The following CSMD1 variants were observed in gnomAD, a reference collection of about 807,000 sequenced individuals.
CSMD1 encodes CUB and Sushi multiple domains 1, also known as CUB and sushi domain-containing protein 1.
Under a neutral mutation model 417.5 loss-of-function variants are expected in CSMD1, and 213 were observed. The ratio of observed to expected loss-of-function variants is 0.51; its 90% CI spans 0.46 to 0.57. CSMD1 has a LOEUF of 0.57. Among genes scored for constraint, CSMD1 ranks in the 20% least tolerant of loss-of-function variants. The probability of loss-of-function intolerance (pLI) is 0.00; values close to 1 mark genes in which losing one functional copy is unlikely to be tolerated. For synonymous variants in CSMD1, 2,862 were observed against 1,736.8 expected, an observed-to-expected ratio of 1.65 and a Z score of -16.11; for missense variants, 6,923 against 4,529.7, an observed-to-expected ratio of 1.53 and a Z score of -15.17.
chr8:4,010,649 T>G (rs1390779618), intron 4 of CSMD1, among the ~76,000 whole-genome samples: 1 of 152,068 alleles, frequency 6.6e-6, no homozygotes, highest in Admixed American at 6.5e-5. Context: ...AACTCATAAT[T>G]TTTTGACTCA....
At position 4,700,923 on chromosome 8, in the gene CSMD1, A is replaced by T. The variant is rs983755415; in HGVS notation, c.86-63365T>A. Among the ~76,000 whole-genome samples the T allele has an allele frequency of 2.6e-4, 40 of 152,212 alleles. 1 individual carries two copies. The highest frequency in any genetic ancestry group is 2.0e-3 in the Admixed American group (31 of 15,286). ...AAACCAGAAGATTTCAGAGGAGCAG[A>T]GAACACTGTGGAAGGTATCAAGTAA... On this transcript the variant is annotated intron_variant, in intron 1 of 69. Transcript: ENST00000635120.
At chr8:3,076,969 C>A (rs182277064) in intron 49 of CSMD1, among the ~76,000 whole-genome samples, 25 of 152,238 alleles carry the variant, frequency 1.6e-4, no homozygotes, top group Admixed American at 1.6e-3. Flanking sequence ...TTGTATCCAA[C>A]AGGCAACCCT....
At chr8:3,455,213 C>G (rs529214149) in intron 12 of CSMD1, among the ~76,000 whole-genome samples, 54 of 152,266 alleles carry the variant, frequency 3.5e-4, no homozygotes, top group African/African-American at 1.2e-3. Context: ...AGCCAGTCGT[C>G]TAATTTTTTT....
chr8:3,996,101 T>C (rs1815192612), intron 5 of CSMD1, among the ~76,000 whole-genome samples: 1 of 152,172 alleles, frequency 6.6e-6, no homozygotes, highest in Non-Finnish European at 1.5e-5. Flanking sequence ...ATGATCTGTA[T>C]TTTCTGACAC....
chr8:4,390,957 A>G (rs957573153), intron 3 of CSMD1, among the ~76,000 whole-genome samples: 1 of 152,186 alleles, frequency 6.6e-6, no homozygotes, highest in African/African-American at 2.4e-5. Flanking sequence ...ACACACAAAT[A>G]CTTAAAACAG....
intron 1 of CSMD1, among the ~76,000 whole-genome samples, chr8:4,790,429 C>G (rs1292277656): frequency 6.6e-6 from 1 of 152,106 alleles, no homozygotes; most frequent in Non-Finnish European, 1.5e-5. Flanking sequence ...AGATTCAAAA[C>G]TATTCCTTTC....
chr8:4,480,059 G>C (rs147604294), intron 2 of CSMD1, among the ~76,000 whole-genome samples: 1,773 of 152,014 alleles, frequency 0.012, 17 homozygotes, highest in Non-Finnish European at 0.019. Context: ...ATGTGGTCGT[G>C]AGTTCTGTTA....
At chr8:3,657,868 C>T (rs115108161) in intron 7 of CSMD1, among the ~76,000 whole-genome samples, 1 of 152,110 alleles carries the variant, frequency 6.6e-6, no homozygotes, top group Non-Finnish European at 1.5e-5. Flanking sequence ...AAACTATAAA[C>T]AAAAATCCTC....
chr8:3,175,470 C>CTTTTTCCTTTCCTTCCTTCCTTG (rs202031855), intron 37 of CSMD1, among the ~76,000 whole-genome samples: 2 of 120,348 alleles, frequency 1.7e-5, no homozygotes, highest in African/African-American at 6.5e-5. Context: ...TTCCTTCCTT[C>CTTTTTCCTTTCCTTCCTTCCTTG]TTTTCCCTTC....
intron 3 of CSMD1, among the ~76,000 whole-genome samples, chr8:4,387,570 CAAAAAAAAAA>C (rs540419006): frequency 0.046 from 1,736 of 37,348 alleles, 76 homozygotes; most frequent in Middle Eastern, 0.3. Context: ...TCCAAACTGG[CAAAAAAAAAA>C]AAAAAAAAAA....
chr8:3,849,138 G>C (rs1309398553), intron 5 of CSMD1, among the ~76,000 whole-genome samples: 1 of 152,080 alleles, frequency 6.6e-6, no homozygotes. Context: ...AGGAAGCCTA[G>C]GATGATAAAT....
At chr8:3,484,267 G>T (rs542448037) in intron 11 of CSMD1, among the ~76,000 whole-genome samples, 125 of 152,294 alleles carry the variant, frequency 8.2e-4, no homozygotes, top group African/African-American at 3.0e-3. Flanking sequence ...AGAGAGCTCA[G>T]AAATAGACCC....
At chr8:4,335,374 T>A (rs539850407) in intron 3 of CSMD1, among the ~76,000 whole-genome samples, 1 of 152,240 alleles carries the variant, frequency 6.6e-6, no homozygotes, top group Non-Finnish European at 1.5e-5. Flanking sequence ...AATCTGGATA[T>A]ACACATCTTC....
rs527524654 is a variant in CSMD1 at position 4,228,580 on chromosome 8, C to G, written c.415+191373G>C. On this transcript the variant is annotated intron_variant, in intron 3 of 69. Coordinates refer to ENST00000635120, the MANE Select transcript of CSMD1 (RefSeq NM_033225.6). ...TTAGTATCCTTGGCAATTCTCTTCT[C>G]TGTCAGATCTTTTTTTTTTTTTTTT... Among the ~76,000 whole-genome samples, 152 of 139,350 alleles carry G rather than the reference C, an allele frequency of 1.1e-3. 1 individual carries two copies. In the South Asian group the frequency reaches 0.016, roughly 15 times the overall value. 91.4% of individuals were successfully genotyped at this position (139,350 alleles called of 152,430 possible).
At chr8:3,954,681 G>C (rs1362105043) in intron 5 of CSMD1, among the ~76,000 whole-genome samples, 4 of 152,194 alleles carry the variant, frequency 2.6e-5, no homozygotes, top group Non-Finnish European at 4.4e-5. Context: ...GACTTGTATA[G>C]ACTCCCCTCT....
At chr8:3,324,368 G>A (rs1216076633) in intron 23 of CSMD1, among the ~76,000 whole-genome samples, 2 of 149,398 alleles carry the variant, frequency 1.3e-5, no homozygotes, top group South Asian at 2.1e-4. Flanking sequence ...AATCCCCAGG[G>A]ACCCAGGAAG....
At chr8:3,151,601 G>C (rs1819200590) in intron 39 of CSMD1, 88 bp from the exon 40 acceptor site, 1 of 778,114 alleles carries the variant, frequency 1.3e-6, no homozygotes, top group Admixed American at 2.3e-5. Context: ...ACTATGCTGA[G>C]AAAGAGCAAG....
At chr8:3,651,526 G>A (rs1797857176) in intron 7 of CSMD1, among the ~76,000 whole-genome samples, 1 of 152,094 alleles carries the variant, frequency 6.6e-6, no homozygotes, top group Non-Finnish European at 1.5e-5. Flanking sequence ...TTCTCCAGGT[G>A]TCTCCTCCAA....
intron 5 of CSMD1, among the ~76,000 whole-genome samples, chr8:3,864,175 C>G (rs750011811): frequency 2.6e-5 from 4 of 152,096 alleles, no homozygotes; most frequent in Admixed American, 6.6e-5. Context: ...TATAGGAAAT[C>G]TGCTAAATGA....
Sources: allele counts gnomAD v4.1 joint callset (sites outside exome capture counted in the v4.1 genomes callset), GRCh38; gene constraint gnomAD v4.1.1; transcripts MANE v1.5; gene names NCBI Gene and HGNC (gene_info 2026-07-23, HGNC 2026-07-21).